Variants in FANCC observed in about 807,000 individuals in gnomAD.
The protein encoded by FANCC is Fanconi anemia group C protein.
Under a neutral mutation model 71.3 loss-of-function variants are expected in FANCC, and 55 were observed. That is an observed-to-expected ratio of 0.77 (90% CI 0.62 to 0.97). FANCC has a LOEUF of 0.97. FANCC is among the 50% of genes least tolerant of loss of function. The pLI is 0.00. For missense variants in FANCC, 678 were observed against 670.9 expected (o/e 1.01, Z -0.12); for synonymous variants, 275 against 244.9 (o/e 1.12, Z -1.15).
chr9:95,148,432 A>G (rs1178271555), intron 7 of FANCC, among the ~76,000 whole-genome samples: 2 of 152,200 alleles, frequency 1.3e-5, no homozygotes, highest in African/African-American at 4.8e-5. Context: ...TACTTTCTCA[A>G]TAATTAGCAA....
At chr9:95,266,960 T>C (rs1446656560) in intron 1 of FANCC, among the ~76,000 whole-genome samples, 1 of 151,542 alleles carries the variant, frequency 6.6e-6, no homozygotes, top group Non-Finnish European at 1.5e-5. Context: ...CATACAGCAA[T>C]GAGAGGGGAA....
Position 95,101,036 on chromosome 9 carries a change from C to G in FANCC, c.*671G>C. Reference sequence around the variant, plus strand: ...AATGTTTCTGGAACACATCCTCTACCTTCGCCTGCCGGCTCCTCTGATGTC... The same window carrying G: ...AATGTTTCTGGAACACATCCTCTACGTTCGCCTGCCGGCTCCTCTGATGTC... On this transcript the variant is annotated 3_prime_UTR_variant, in exon 15 of 15. Transcript: ENST00000289081. The G allele has an allele frequency of 4.3e-6, 1 of 234,294 alleles. No individual in the cohort carries two copies. The highest frequency in any genetic ancestry group is 6.0e-5 in the East Asian group (1 of 16,604). 14.5% of individuals were successfully genotyped at this position (234,294 alleles called of 1,614,324 possible). A position where few individuals can be genotyped will look rare whatever the true frequency, so the allele number is the denominator to read the frequency against.
intron 4 of FANCC, among the ~76,000 whole-genome samples, chr9:95,178,290 A>C (rs1175257141): frequency 2.0e-5 from 3 of 152,220 alleles, no homozygotes; most frequent in Non-Finnish European, 2.9e-5. Flanking sequence ...ATCAAAGCCC[A>C]CATTGTCCTC....
chr9:95,177,783 G>A (rs559527498), intron 4 of FANCC, among the ~76,000 whole-genome samples: 17 of 151,984 alleles, frequency 1.1e-4, no homozygotes, highest in Non-Finnish European at 1.6e-4. Context: ...TGCAAACCCC[G>A]CTCTCTGGCT....
At chr9:95,126,023 T>C (rs4647515) in intron 9 of FANCC, among the ~76,000 whole-genome samples, 4,982 of 152,340 alleles carry the variant, frequency 0.033, 281 homozygotes, top group African/African-American at 0.11. Context: ...ATCTAATGCA[T>C]TTCCCAAGAA....
At chr9:95,129,509 C>T (rs1463101058) in intron 8 of FANCC, among the ~76,000 whole-genome samples, 1 of 152,294 alleles carries the variant, frequency 6.6e-6, no homozygotes, top group South Asian at 2.1e-4. Flanking sequence ...TGGGGCACTC[C>T]GGTAACACAC....
At chr9:95,193,342 G>T (rs1334783727) in intron 4 of FANCC, among the ~76,000 whole-genome samples, 4 of 152,094 alleles carry the variant, frequency 2.6e-5, no homozygotes, top group South Asian at 2.1e-4. Flanking sequence ...CCAGACTCTA[G>T]CTAGGCCATG....
chr9:95,312,631 C>T (rs1016572652), intron 1 of FANCC, among the ~76,000 whole-genome samples: 2 of 152,252 alleles, frequency 1.3e-5, no homozygotes, highest in Admixed American at 6.5e-5. Context: ...GCTGGGATTA[C>T]AGGCATAAGT....
intron 1 of FANCC, among the ~76,000 whole-genome samples, chr9:95,279,031 T>A (rs1039805359): frequency 1.3e-5 from 2 of 151,352 alleles, no homozygotes; most frequent in East Asian, 2.0e-4. Flanking sequence ...ATAAAAAAAA[T>A]TGGCTGGGTA....
intron 4 of FANCC, among the ~76,000 whole-genome samples, chr9:95,181,499 G>A (rs962325896): frequency 6.6e-6 from 1 of 152,068 alleles, no homozygotes; most frequent in Non-Finnish European, 1.5e-5. Flanking sequence ...ATTGGCTCTT[G>A]GACAAAAATA....
In FANCC at chr9:95,249,181, G is replaced by A. The variant is rs751219956; in HGVS notation, c.111C>T (p.His37=). The part of the protein sequence containing the change: ...TLETQQDTCL[H]VAQFQEFLRK... ...TTAGGAACTCCTGGAACTGAGCCAC[G>A]TGAAGACAGGTGTCTTGCTGGGTTT... The change falls in exon 2 of 15, where the codon CAC becomes CAT. Residue 37 remains histidine, a synonymous_variant. Coordinates refer to ENST00000289081, the MANE Select transcript of FANCC (RefSeq NM_000136.3). 4.6e-5 allele frequency: 75 copies of A among 1,613,958 alleles called. No individual in the cohort carries two copies. The highest frequency in any genetic ancestry group is 2.0e-4 in the South Asian group (18 of 91,076).
At chr9:95,308,267 T>C (rs1367178846) in intron 1 of FANCC, among the ~76,000 whole-genome samples, 1 of 151,898 alleles carries the variant, frequency 6.6e-6, no homozygotes, top group African/African-American at 2.4e-5. Context: ...TTTTTTGAGA[T>C]AGGGTCTTGC....
At chr9:95,126,059 G>A (rs1825931846) in intron 9 of FANCC, among the ~76,000 whole-genome samples, 1 of 152,212 alleles carries the variant, frequency 6.6e-6, no homozygotes, top group Non-Finnish European at 1.5e-5. Context: ...AAATAAAAAT[G>A]TAATGTGTTG....
chr9:95,196,924 C>T (rs1485035689), intron 4 of FANCC, among the ~76,000 whole-genome samples: 3 of 152,222 alleles, frequency 2.0e-5, no homozygotes, highest in Non-Finnish European at 2.9e-5. Context: ...ATAGGCTCAC[C>T]TCCTGTGGCC....
chr9:95,166,267 T>C (rs1485246547), intron 6 of FANCC, among the ~76,000 whole-genome samples: 1 of 152,094 alleles, frequency 6.6e-6, no homozygotes, highest in Non-Finnish European at 1.5e-5. Flanking sequence ...ATTTTGTTGT[T>C]TTCCATATAC....
intron 1 of FANCC, among the ~76,000 whole-genome samples, chr9:95,268,073 G>A (rs1292866404): frequency 6.6e-6 from 1 of 152,198 alleles, no homozygotes; most frequent in Non-Finnish European, 1.5e-5. Context: ...AGCACATCCA[G>A]GCTGTGAGTC....
intron 12 of FANCC, chr9:95,114,235 A>G (rs2072206196): frequency 3.1e-6 from 1 of 321,220 alleles, no homozygotes. Context: ...CTAGAGAGGT[A>G]GAGGGAAGAC....
intron 1 of FANCC, chr9:95,294,728 T>G: frequency 6.2e-7 from 1 of 1,602,882 alleles, no homozygotes; most frequent in Middle Eastern, 1.7e-4. Context: ...CTGGCTGATA[T>G]GGCCTGGAAC....
chr9:95,299,581 G>A (rs1039033613), intron 1 of FANCC, among the ~76,000 whole-genome samples: 12 of 152,074 alleles, frequency 7.9e-5, no homozygotes, highest in African/African-American at 2.2e-4. Flanking sequence ...GTATCTCTGC[G>A]GCCCTGCAGT....
Sources: allele counts gnomAD v4.1 joint callset (sites outside exome capture counted in the v4.1 genomes callset), GRCh38; gene constraint gnomAD v4.1.1; transcripts MANE v1.5; gene names NCBI Gene and HGNC (gene_info 2026-07-23, HGNC 2026-07-21).